The following MON2 variants were observed in gnomAD, a reference collection of about 807,000 sequenced individuals.
MON2 encodes the protein MON2 regulator of endosome-to-Golgi trafficking, also known as protein MON2 homolog.
MON2 carries 84 observed loss-of-function variants against 208.6 expected under a neutral mutation model. That is an observed-to-expected ratio of 0.40 (90% CI 0.34 to 0.48). MON2 has a LOEUF of 0.48. Among genes scored for constraint, MON2 ranks in the 20% least tolerant of loss-of-function variants. MON2 has a pLI of 0.59. For synonymous variants in MON2, 660 were observed against 694.0 expected, an observed-to-expected ratio of 0.95 and a Z score of 0.77; for missense variants, 1,611 against 2,015.4, an observed-to-expected ratio of 0.80 and a Z score of 3.84.
chr12:62,505,646 T>C (rs1592899418), intron 7 of MON2, among the ~76,000 whole-genome samples: 1 of 151,858 alleles, frequency 6.6e-6, no homozygotes, highest in East Asian at 1.9e-4. Context: ...TTTGTGGGGC[T>C]GAGGCAGTCA....
chr12:62,575,890 G>T (rs1438377302), intron 30 of MON2, among the ~76,000 whole-genome samples: 1 of 152,050 alleles, frequency 6.6e-6, no homozygotes, highest in African/African-American at 2.4e-5. Context: ...AGACACAATG[G>T]GTGAGTGGGA....
intron 34 of MON2, among the ~76,000 whole-genome samples, chr12:62,591,930 A>T (rs2075408698): frequency 6.6e-6 from 1 of 152,220 alleles, no homozygotes; most frequent in African/African-American, 2.4e-5. Context: ...CACAATACTT[A>T]TAGGAAAATA....
At chr12:62,505,680 A>G (rs1197497436) in intron 7 of MON2, among the ~76,000 whole-genome samples, 1 of 151,920 alleles carries the variant, frequency 6.6e-6, no homozygotes, top group Non-Finnish European at 1.5e-5. Flanking sequence ...CAGGAGTTCA[A>G]GACCAGCCTG....
intron 2 of MON2, among the ~76,000 whole-genome samples, chr12:62,493,140 C>A (rs1302538703): frequency 6.6e-6 from 1 of 152,142 alleles, no homozygotes; most frequent in Admixed American, 6.5e-5. Context: ...GGATGACAAA[C>A]TTGTCTTATC....
chr12:62,531,034 C>T (rs1457787804), intron 11 of MON2, among the ~76,000 whole-genome samples: 7 of 152,194 alleles, frequency 4.6e-5, no homozygotes, highest in African/African-American at 1.2e-4. Context: ...TCATGTTGGG[C>T]GAAATGTCTA....
At chr12:62,584,728 AGG>A (rs1411431738) in intron 32 of MON2, among the ~76,000 whole-genome samples, 1 of 148,042 alleles carries the variant, frequency 6.8e-6, no homozygotes, top group African/African-American at 2.5e-5. Context: ...AAAAAAAAAA[AGG>A]AGATCTTGGA....
At chr12:62,546,209 A>G in intron 21 of MON2, among the ~76,000 whole-genome samples, 1 of 152,198 alleles carries the variant, frequency 6.6e-6, no homozygotes, top group Non-Finnish European at 1.5e-5. Flanking sequence ...ATACATTAAT[A>G]AAGTAAATGA....
At chr12:62,515,855 G>A (rs980709728) in intron 8 of MON2, among the ~76,000 whole-genome samples, 3 of 151,678 alleles carry the variant, frequency 2.0e-5, no homozygotes, top group Non-Finnish European at 2.9e-5. Context: ...TTTACACAAC[G>A]ATGTGAAACA....
intron 8 of MON2, among the ~76,000 whole-genome samples, chr12:62,515,263 A>G (rs1407359301): frequency 6.6e-6 from 1 of 152,256 alleles, no homozygotes; most frequent in Non-Finnish European, 1.5e-5. Context: ...TGAACAAACC[A>G]AGAAAATACA....
At chr12:62,556,800 G>A (rs972234360) in intron 25 of MON2, among the ~76,000 whole-genome samples, 3 of 152,190 alleles carry the variant, frequency 2.0e-5, no homozygotes, top group African/African-American at 7.2e-5. Context: ...AGGAGGCTGG[G>A]CATGGTGGCT....
At chr12:62,565,976 C>T (rs1407408807) in intron 27 of MON2, 38 bp from the exon 28 acceptor site, 1 of 1,577,678 alleles carries the variant, frequency 6.3e-7, no homozygotes, top group African/African-American at 1.4e-5. Flanking sequence ...TAACTTTTCT[C>T]ATTCTATTTG....
In MON2 at chr12:62,560,610, T is replaced by G. The variant is rs756986515; in HGVS notation, c.3529T>G (p.Ser1177Ala). Residue 1177 changes from serine (S) to alanine (A), a missense_variant, in exon 26 of 35, where the codon TCC (serine) becomes GCC (alanine). Coordinates refer to ENST00000393630, the MANE Select transcript of MON2 (RefSeq NM_015026.3). ...CTTCCAGGAAATTTTACAGATTGTG[T>G]CCCCTGTCAGAGACTCAGATAAGCC... ...KSFQEILQIV[S>A]PVRDSDKPET... The G allele has an allele frequency of 1.9e-6, 3 of 1,614,088 alleles. No homozygotes were observed. Among genetic ancestry groups the G allele is most frequent in the Non-Finnish European group, 2.5e-6 (3 of 1,180,008 alleles).
intron 4 of MON2, among the ~76,000 whole-genome samples, chr12:62,496,173 C>T (rs929164058): frequency 6.6e-6 from 1 of 151,824 alleles, no homozygotes; most frequent in African/African-American, 2.4e-5. Flanking sequence ...ATAGTTTATT[C>T]TTTTAGGCTT....
intron 23 of MON2, among the ~76,000 whole-genome samples, chr12:62,551,907 G>T (rs1271615809): frequency 1.3e-5 from 2 of 151,974 alleles, no homozygotes; most frequent in African/African-American, 4.8e-5. Context: ...CTCTTCCTAC[G>T]TTCAGCTCTT....
chr12:62,537,786 G>C (rs1407219912), intron 16 of MON2, 80 bp downstream of exon 16: 1 of 1,136,418 alleles, frequency 8.8e-7, no homozygotes, highest in Non-Finnish European at 1.3e-6. Flanking sequence ...AATGTATTTT[G>C]ATGTTTTGGA....
intron 24 of MON2, among the ~76,000 whole-genome samples, 176 bp from the exon 25 acceptor site, chr12:62,555,818 A>C (rs2073944709): frequency 6.6e-6 from 1 of 151,926 alleles, no homozygotes; most frequent in African/African-American, 2.4e-5. Flanking sequence ...AAAAAAAAAA[A>C]AAAAAAAAGA....
chr12:62,467,284 T>C lies in MON2; in HGVS notation c.77T>C (p.Leu26Pro). 1 of 1,614,076 alleles carries C rather than the reference T, an allele frequency of 6.2e-7. No individual in the cohort carries two copies. ...NMQSDLRALS[L>P]ECKKKFPPVK... is the part of the protein sequence containing the mutation. Reference sequence around the variant, plus strand: ...CAGAGCGACTTGCGCGCCTTGTCACTGGAGTGCAAGAAGAAATTCCCACCT... The same window carrying C: ...CAGAGCGACTTGCGCGCCTTGTCACCGGAGTGCAAGAAGAAATTCCCACCT... Residue 26 changes from leucine to proline, a missense_variant, in exon 1 of 35, where the codon CTG (leucine) becomes CCG (proline). Leu to Pro is a moderately conservative substitution (Grantham distance 98). Transcript: ENST00000393630.
chr12:62,490,305 A>G (rs2136030483), intron 2 of MON2, among the ~76,000 whole-genome samples: 1 of 152,136 alleles, frequency 6.6e-6, no homozygotes, highest in Admixed American at 6.5e-5. Flanking sequence ...AATAACTTTC[A>G]TTAAAAAGAA....
At chr12:62,467,363 G>T in intron 1 of MON2, 45 bp downstream of exon 1, 1 of 1,474,646 alleles carries the variant, frequency 6.8e-7, no homozygotes, top group Non-Finnish European at 9.5e-7. Flanking sequence ...GAGCATGCCT[G>T]GTCCTGTTAG....
Sources: allele counts gnomAD v4.1 joint callset (sites outside exome capture counted in the v4.1 genomes callset), GRCh38; gene constraint gnomAD v4.1.1; transcripts MANE v1.5; gene names NCBI Gene and HGNC (gene_info 2026-07-23, HGNC 2026-07-21).